The following CDH4 variants were observed in gnomAD, a reference collection of about 807,000 sequenced individuals.
CDH4 encodes cadherin 4, also known as cadherin-4.
Under a neutral mutation model 86.0 loss-of-function variants are expected in CDH4, and 33 were observed. The observed-to-expected ratio is 0.38, with a 90% CI of 0.29 to 0.51. CDH4 has a LOEUF of 0.51. Among genes scored for constraint, CDH4 ranks in the 20% least tolerant of loss-of-function variants. The pLI is 0.86. For missense variants in CDH4, 1,114 were observed against 1,307.4 expected (o/e 0.85, Z 2.28); for synonymous variants, 555 against 549.4 (o/e 1.01, Z -0.14).
At chr20:61,885,450 G>C (rs1984500601) in intron 7 of CDH4, among the ~76,000 whole-genome samples, 1 of 152,232 alleles carries the variant, frequency 6.6e-6, no homozygotes, top group African/African-American at 2.4e-5. Context: ...CACCGTGGTA[G>C]TTCGTGTCTG....
intron 3 of CDH4, among the ~76,000 whole-genome samples, chr20:61,750,589 C>G (rs1041709465): frequency 7.2e-5 from 11 of 152,194 alleles, no homozygotes; most frequent in African/African-American, 2.4e-4. Flanking sequence ...AGAGGAATTG[C>G]TCTCCCAAAG....
At chr20:61,850,310 T>G (rs534657844) in intron 5 of CDH4, among the ~76,000 whole-genome samples, 2 of 152,348 alleles carry the variant, frequency 1.3e-5, no homozygotes, top group African/African-American at 4.8e-5. Flanking sequence ...AGGGTTCTTA[T>G]AGCACTGCCT....
chr20:61,295,784 A>G (rs2084348599), intron 2 of CDH4, among the ~76,000 whole-genome samples: 1 of 152,086 alleles, frequency 6.6e-6, no homozygotes, highest in African/African-American at 2.4e-5. Context: ...CCTCGTGCCC[A>G]CCAGCTGCTG....
chr20:61,681,615 G>A lies in CDH4; in HGVS notation c.170-61948G>A, dbSNP rs1286465601. Among the ~76,000 whole-genome samples, 1 of 152,176 alleles carries A rather than the reference G, an allele frequency of 6.6e-6. No individual in the cohort carries two copies. Among genetic ancestry groups the A allele is most frequent in the East Asian group, 1.9e-4 (1 of 5,186 alleles). On this transcript the variant is annotated intron_variant, in intron 2 of 15. Coordinates refer to ENST00000614565, the MANE Select transcript of CDH4 (RefSeq NM_001794.5). The surrounding 1 kb of genome is among the most constrained non-coding windows in gnomAD (Gnocchi z 4.5). ...ATCTAGCAGCTGGGAGGAGTCTCAG[G>A]ATCCCCCTGCAGGAAGCCCGGAATC...
At chr20:61,881,870 G>T (rs897913426) in intron 7 of CDH4, among the ~76,000 whole-genome samples, 2 of 152,358 alleles carry the variant, frequency 1.3e-5, no homozygotes, top group Middle Eastern at 3.4e-3. Flanking sequence ...GGCCTTTGCA[G>T]GTGTAAAGAT....
intron 2 of CDH4, among the ~76,000 whole-genome samples, chr20:61,316,410 C>T (rs2084476473): frequency 6.6e-6 from 1 of 152,174 alleles, no homozygotes; most frequent in Admixed American, 6.5e-5. Context: ...TCCACTTGGC[C>T]CCCTAAATCA....
intron 2 of CDH4, among the ~76,000 whole-genome samples, chr20:61,271,649 C>T (rs951859425): frequency 5.9e-5 from 9 of 152,212 alleles, no homozygotes; most frequent in South Asian, 2.1e-4. Flanking sequence ...CTTCTTACAG[C>T]GGTGCGTGAA....
chr20:61,652,422 A>G (rs1441964061), intron 2 of CDH4, among the ~76,000 whole-genome samples: 1 of 152,202 alleles, frequency 6.6e-6, no homozygotes, highest in African/African-American at 2.4e-5. Context: ...ACTATTTTAA[A>G]TGACTGAATT....
At chr20:61,591,778 T>G (rs978782707) in intron 2 of CDH4, among the ~76,000 whole-genome samples, 1 of 152,210 alleles carries the variant, frequency 6.6e-6, no homozygotes, top group South Asian at 2.1e-4. Context: ...CATATGCAAT[T>G]GGTTTTCTGA....
chr20:61,909,438 A>G (rs1018335214), intron 8 of CDH4, among the ~76,000 whole-genome samples: 4 of 152,236 alleles, frequency 2.6e-5, no homozygotes, highest in Non-Finnish European at 5.9e-5. Flanking sequence ...TGAGCTTGCA[A>G]GGTTCCTGCA....
intron 2 of CDH4, among the ~76,000 whole-genome samples, chr20:61,604,913 G>T (rs557808997): frequency 1.2e-5 from 1 of 84,390 alleles, no homozygotes; most frequent in Non-Finnish European, 3.0e-5. Context: ...GGCCTGGCCT[G>T]GAAGGACAGG....
In CDH4 at chr20:61,519,924, C is replaced by T. The variant is rs543427575; in HGVS notation, c.170-223639C>T. ...ACTGCCTCGCATTAGTGGTGCCCGC[C>T]GACTCTGCCCACCAACTGCTGGGCC... is the stretch of plus-strand genomic sequence containing the variant. On this transcript the variant is annotated intron_variant, in intron 2 of 15. Coordinates refer to ENST00000614565, the MANE Select transcript of CDH4 (RefSeq NM_001794.5). 2.0e-4 allele frequency among the ~76,000 whole-genome samples: 30 copies of T among 152,280 alleles called. No homozygotes were observed. In the South Asian group the frequency reaches 3.7e-3, roughly 19 times the overall value.
At chr20:61,532,771 G>A (rs1433900142) in intron 2 of CDH4, among the ~76,000 whole-genome samples, 1 of 152,144 alleles carries the variant, frequency 6.6e-6, no homozygotes, top group Non-Finnish European at 1.5e-5. Context: ...GTTTTGGCGG[G>A]ATCAGTAGGT....
At chr20:61,806,879 G>T (rs1038624688) in intron 4 of CDH4, among the ~76,000 whole-genome samples, 2 of 152,196 alleles carry the variant, frequency 1.3e-5, no homozygotes, top group African/African-American at 4.8e-5. Flanking sequence ...CTCCTGCTGG[G>T]GAGGGGTGGC....
intron 2 of CDH4, among the ~76,000 whole-genome samples, chr20:61,599,437 G>A (rs768252057): frequency 1.4e-4 from 21 of 152,176 alleles, no homozygotes; most frequent in Non-Finnish European, 2.5e-4. Context: ...GAATTCATCA[G>A]CACCCTGAGT....
At chr20:61,521,830 T>G in intron 2 of CDH4, among the ~76,000 whole-genome samples, 1 of 152,204 alleles carries the variant, frequency 6.6e-6, no homozygotes. Flanking sequence ...CCCACTGTGT[T>G]GCCAACAGGC....
At position 61,783,709 on chromosome 20, in the gene CDH4, G is replaced by A. The variant is rs576432239; in HGVS notation, c.576+10527G>A. Reference sequence around the variant, plus strand: ...AAGAGAAATGTAATCCCAGTTCCTTGGGACAGTTCTCCGGGCCCTCAGATG... The same window carrying A: ...AAGAGAAATGTAATCCCAGTTCCTTAGGACAGTTCTCCGGGCCCTCAGATG... On this transcript the variant is annotated intron_variant, in intron 4 of 15. Transcript: ENST00000614565. Among the ~76,000 whole-genome samples, 26 of 135,444 alleles carry A rather than the reference G, an allele frequency of 1.9e-4. 1 individual carries two copies. The highest frequency in any genetic ancestry group is 6.9e-4 in the African/African-American group (25 of 36,380). The allele number at this position is 135,444 out of a possible 152,430, so 88.9% of individuals were successfully genotyped here. A position where few individuals can be genotyped will look rare whatever the true frequency, so the allele number is the denominator to read the frequency against.
intron 2 of CDH4, among the ~76,000 whole-genome samples, chr20:61,267,062 G>A (rs1481399520): frequency 6.6e-6 from 1 of 152,156 alleles, no homozygotes; most frequent in Non-Finnish European, 1.5e-5. Context: ...TAGAGTTCCT[G>A]GAAGGTGGGA....
intron 1 of CDH4, among the ~76,000 whole-genome samples, chr20:61,254,523 C>T (rs75967249): frequency 6.6e-6 from 1 of 152,210 alleles, no homozygotes; most frequent in Admixed American, 6.5e-5. Flanking sequence ...GGTCATTTCT[C>T]AGGCGTCTCC....
Sources: gnomAD v4.1 joint callset for allele counts (sites outside exome capture counted in the v4.1 genomes callset) on GRCh38, gnomAD v4.1.1 for gene constraint, Gnocchi (gnomAD v3.1) non-coding constraint, MANE v1.5 for transcripts, NCBI Gene and HGNC (gene_info 2026-07-23, HGNC 2026-07-21) for gene names.